CLTB: variants seen among roughly 807,000 people sequenced by gnomAD.
CLTB encodes clathrin, light chain (Lcb).
A neutral mutation model predicts 30.5 loss-of-function variants in CLTB; 10 were observed. The ratio of observed to expected loss-of-function variants is 0.33; its 90% confidence interval spans 0.20 to 0.56. The LOEUF is 0.56. CLTB is among the 20% of genes least tolerant of loss of function. The probability of loss-of-function intolerance (pLI) is 0.91; values close to 1 mark genes in which losing one functional copy is unlikely to be tolerated. For synonymous variants in CLTB, 102 were observed against 120.3 expected (o/e 0.85, Z 1.00); for missense variants, 261 against 308.3 (o/e 0.85, Z 1.15).
intron 2 of CLTB, among the ~76,000 whole-genome samples, chr5:176,409,621 G>A (rs2113676413): frequency 6.6e-6 from 1 of 151,804 alleles, no homozygotes; most frequent in Admixed American, 6.6e-5. Context: ...CACTATGTTG[G>A]CCAGGCTGGT....
At chr5:176,396,620 G>C in intron 4 of CLTB, 88 bp from the exon 5 acceptor site, 2 of 926,532 alleles carry the variant, frequency 2.2e-6, no homozygotes, top group Non-Finnish European at 3.5e-6. Flanking sequence ...GAGAGAGAGA[G>C]AGACAGCATT....
intron 1 of CLTB, among the ~76,000 whole-genome samples, chr5:176,413,451 G>C (rs1186730246): frequency 6.6e-6 from 1 of 152,224 alleles, no homozygotes; most frequent in Non-Finnish European, 1.5e-5. Flanking sequence ...CCATCATCCA[G>C]ATCACCCAGG....
At chr5:176,412,244 C>T (rs1460447298) in intron 1 of CLTB, among the ~76,000 whole-genome samples, 1 of 151,990 alleles carries the variant, frequency 6.6e-6, no homozygotes, top group Non-Finnish European at 1.5e-5. Context: ...CATAAGTCAC[C>T]TCCTCTGGGA....
At chr5:176,403,420 A>G (rs916321249) in intron 2 of CLTB, among the ~76,000 whole-genome samples, 1 of 150,364 alleles carries the variant, frequency 6.7e-6, no homozygotes, top group African/African-American at 2.4e-5. Flanking sequence ...GCAACCCTAC[A>G]TGGTTGGTTT....
At position 176,394,160 on chromosome 5, in the gene CLTB, G is replaced by A. The variant is rs539639101; in HGVS notation, c.519-1215C>T. Among the ~76,000 whole-genome samples the A allele has an allele frequency of 2.0e-5, 3 of 152,336 alleles. No homozygotes were observed. The South Asian group carries it at 6.2e-4, about 32-fold the overall frequency. On this transcript the variant is annotated intron_variant, in intron 5 of 5. Coordinates refer to ENST00000310418, the MANE Select transcript of CLTB (RefSeq NM_007097.5). Reference sequence around the variant, plus strand: ...TCTGGAAAAAAGGAAAGTGCTGCGTGGAGCTGGGTGGCAAGTGGGGATGAG... The same window carrying A: ...TCTGGAAAAAAGGAAAGTGCTGCGTAGAGCTGGGTGGCAAGTGGGGATGAG...
chr5:176,395,371 G>T (rs1414971006), intron 5 of CLTB, among the ~76,000 whole-genome samples: 3 of 152,210 alleles, frequency 2.0e-5, no homozygotes, highest in African/African-American at 7.2e-5. Flanking sequence ...AGCACGGTGA[G>T]GGGGGCGGCC....
At position 176,392,952 on chromosome 5, in the gene CLTB, G is replaced by T; in HGVS notation, c.519-7C>A. 6.2e-7 allele frequency: 1 copy of T among 1,614,060 alleles called. No individual in the cohort carries two copies. Among genetic ancestry groups the T allele is most frequent in the South Asian group, 1.1e-5 (1 of 91,088 alleles). ...GAAAGCCTCCTCGGATGCCCTGCGGGTGGAGATAGGACGGGCTTTTATAGC... is the reference window on the plus strand; with the variant it reads ...GAAAGCCTCCTCGGATGCCCTGCGGTTGGAGATAGGACGGGCTTTTATAGC... On this transcript the variant is annotated splice_polypyrimidine_tract_variant and splice_region_variant and intron_variant, in intron 5 of 5. Coordinates refer to ENST00000310418, the MANE Select transcript of CLTB (RefSeq NM_007097.5). The surrounding 1 kb of genome is among the most constrained non-coding windows in gnomAD (Gnocchi z 5.2).
intron 2 of CLTB, among the ~76,000 whole-genome samples, chr5:176,408,103 T>C (rs534868840): frequency 6.6e-6 from 1 of 152,246 alleles, no homozygotes; most frequent in South Asian, 2.1e-4. Context: ...GACTATTGCA[T>C]GCCTCTGTGG....
chr5:176,415,641 T>G (rs1451874983), intron 1 of CLTB, among the ~76,000 whole-genome samples: 2 of 152,232 alleles, frequency 1.3e-5, no homozygotes, highest in African/African-American at 4.8e-5. Context: ...ATCTCTGAAA[T>G]GGGTTCAATC....
chr5:176,401,533 T>G (rs1343641501), intron 2 of CLTB, among the ~76,000 whole-genome samples: 2 of 152,236 alleles, frequency 1.3e-5, no homozygotes, highest in Admixed American at 6.5e-5. Flanking sequence ...GGCACCACAG[T>G]GCCCTTGTAG....
At chr5:176,415,327 G>A (rs1757640216) in intron 1 of CLTB, among the ~76,000 whole-genome samples, 1 of 152,148 alleles carries the variant, frequency 6.6e-6, no homozygotes, top group Non-Finnish European at 1.5e-5. Context: ...GTCTAACTCA[G>A]AGCCAGACAC....
At chr5:176,394,640 C>A (rs183942954) in intron 5 of CLTB, among the ~76,000 whole-genome samples, 3 of 129,150 alleles carry the variant, frequency 2.3e-5, no homozygotes, top group Non-Finnish European at 5.2e-5. Context: ...CGGTGAAACC[C>A]CGTCTCTACT....
chr5:176,407,396 T>C (rs1426436813), intron 2 of CLTB, among the ~76,000 whole-genome samples: 1 of 152,188 alleles, frequency 6.6e-6, no homozygotes, highest in South Asian at 2.1e-4. Context: ...CCTCTGCCTC[T>C]GGGTTCAAGC....
intron 1 of CLTB, among the ~76,000 whole-genome samples, chr5:176,413,152 C>T (rs1262499552): frequency 1.3e-5 from 2 of 152,078 alleles, no homozygotes; most frequent in African/African-American, 4.8e-5. Flanking sequence ...TCTCCACCCA[C>T]CCACTGCCCA....
At chr5:176,395,032 C>G (rs1756453642) in intron 5 of CLTB, among the ~76,000 whole-genome samples, 3 of 152,082 alleles carry the variant, frequency 2.0e-5, no homozygotes, top group Admixed American at 2.0e-4. Context: ...CTTGGCACAA[C>G]AGGCGCTTTG....
chr5:176,396,900 C>T (rs1756550408), intron 4 of CLTB, among the ~76,000 whole-genome samples: 1 of 152,092 alleles, frequency 6.6e-6, no homozygotes, highest in African/African-American at 2.4e-5. Flanking sequence ...TTGCCTAATA[C>T]ATCACATTTT....
At position 176,393,512 on chromosome 5, in the gene CLTB, A is replaced by G. The variant is rs1756350678; in HGVS notation, c.519-567T>C. On this transcript the variant is annotated intron_variant, in intron 5 of 5. Coordinates refer to ENST00000310418, the MANE Select transcript of CLTB (RefSeq NM_007097.5). The surrounding 1 kb of genome is among the most constrained non-coding windows in gnomAD (Gnocchi z 4.4). ...AAACCCAGCTAAAGAGGATCTTTAC[A>G]GCAAGACTTTCAAAGCCTTTCATGT... is the stretch of plus-strand genomic sequence containing the variant. 1.3e-5 allele frequency among the ~76,000 whole-genome samples: 2 copies of G among 152,240 alleles called. No individual in the cohort carries two copies. The highest frequency in any genetic ancestry group is 2.9e-5 in the Non-Finnish European group (2 of 68,042).
Position 176,411,961 on chromosome 5 carries a change from A to G in CLTB, c.188-1658T>C, listed in dbSNP as rs373204802. Among the ~76,000 whole-genome samples the G allele has an allele frequency of 2.1e-3, 319 of 151,834 alleles. 1 individual carries two copies. The highest frequency in any genetic ancestry group is 6.2e-3 in the African/African-American group (257 of 41,436). ...GGAGGCTGAGGTGGGCAGATCACGAAGTCAGGAGATCGAGACCATCCTGGC... is the reference window on the plus strand; with the variant it reads ...GGAGGCTGAGGTGGGCAGATCACGAGGTCAGGAGATCGAGACCATCCTGGC... On this transcript the variant is annotated intron_variant, in intron 1 of 5. Transcript: ENST00000310418.
chr5:176,408,680 C>T (rs1263628923), intron 2 of CLTB, among the ~76,000 whole-genome samples: 2 of 152,168 alleles, frequency 1.3e-5, no homozygotes, highest in Non-Finnish European at 2.9e-5. Flanking sequence ...ACACTATTGC[C>T]CCAGCTAATT....
Sources: gnomAD v4.1 joint callset for allele counts (sites outside exome capture counted in the v4.1 genomes callset) on GRCh38, gnomAD v4.1.1 for gene constraint, Gnocchi (gnomAD v3.1) non-coding constraint, MANE v1.5 for transcripts, NCBI Gene and HGNC (gene_info 2026-07-23, HGNC 2026-07-21) for gene names.